The following SERINC5 variants were observed in gnomAD, a reference collection of about 807,000 sequenced individuals.
SERINC5 encodes chromosome 5 open reading frame 12.
SERINC5 carries 41 observed loss-of-function variants against 63.1 expected under a neutral mutation model. The ratio of observed to expected loss-of-function variants is 0.65; its 90% CI spans 0.51 to 0.84. SERINC5 has a LOEUF of 0.84. Among genes scored for constraint, SERINC5 ranks in the 40% least tolerant of loss-of-function variants. SERINC5 has a pLI of 0.00. For synonymous variants in SERINC5, 222 were observed against 215.2 expected (o/e 1.03, Z -0.28); for missense variants, 523 against 573.0 (o/e 0.91, Z 0.89).
intron 11 of SERINC5, among the ~76,000 whole-genome samples, chr5:80,127,417 C>G (rs1021937431): frequency 1.3e-5 from 2 of 152,182 alleles, no homozygotes; most frequent in African/African-American, 4.8e-5. Flanking sequence ...GGATGGAAAA[C>G]TTAGAGCAAA....
chr5:80,226,738 A>T (rs562388792), intron 1 of SERINC5, among the ~76,000 whole-genome samples: 7 of 152,250 alleles, frequency 4.6e-5, no homozygotes, highest in African/African-American at 1.7e-4. Flanking sequence ...TAATTTTTTT[A>T]AATAATAGGA....
At chr5:80,121,278 T>C (rs890237630) in intron 11 of SERINC5, among the ~76,000 whole-genome samples, 1 of 152,228 alleles carries the variant, frequency 6.6e-6, no homozygotes, top group African/African-American at 2.4e-5. Flanking sequence ...GGTGCTGGCA[T>C]CTGCTCAGTT....
chr5:80,184,422 C>T (rs1013804765), intron 2 of SERINC5, among the ~76,000 whole-genome samples: 1 of 152,162 alleles, frequency 6.6e-6, no homozygotes, highest in African/African-American at 2.4e-5. Flanking sequence ...CTAACAGCAG[C>T]AGGCTGAGCC....
intron 2 of SERINC5, among the ~76,000 whole-genome samples, chr5:80,200,198 C>T (rs1380937102): frequency 2.6e-5 from 4 of 152,010 alleles, no homozygotes; most frequent in African/African-American, 9.7e-5. Context: ...ATAACTTTGG[C>T]TGGGCACAGT....
At chr5:80,162,904 TAGTGCGATCTTGGCTAGTG>T (rs1747037174) in intron 7 of SERINC5, among the ~76,000 whole-genome samples, 2 of 151,872 alleles carry the variant, frequency 1.3e-5, no homozygotes, top group Admixed American at 1.3e-4. Flanking sequence ...AGGGGTGCTG[TAGTGCGATCTTGGCTAGTG>T]AGCCAAGATC....
At chr5:80,200,204 A>C (rs1749741422) in intron 2 of SERINC5, among the ~76,000 whole-genome samples, 1 of 152,232 alleles carries the variant, frequency 6.6e-6, no homozygotes, top group Admixed American at 6.5e-5. Flanking sequence ...TTGGCTGGGC[A>C]CAGTGGCTCA....
In SERINC5 at chr5:80,143,787, C is replaced by T. The variant is rs1174355424; in HGVS notation, c.1262G>A (p.Ser421Asn). The change falls in exon 12 of 12, where the codon AGC becomes AAC. Residue 421 changes from serine to asparagine, a missense_variant. Physicochemically the swap from Ser to Asn is conservative, Grantham distance 46. Coordinates refer to ENST00000507668, the MANE Select transcript of SERINC5 (RefSeq NM_001174072.3). The stretch of plus-strand genomic sequence containing the variant: ...GATGGACCAGCTCCCGCTGAAGAAG[C>T]TCTCGATGTTGGCACTTTCGTAGCT... ...WFNYESANIE[S>N]FFSGSWSIFW... 2.0e-6 allele frequency: 3 copies of T among 1,536,146 alleles called. No individual in the cohort carries two copies. The Admixed American group carries it at 5.9e-5, about 30-fold the overall frequency.
At chr5:80,171,073 T>A (rs1747622544) in intron 5 of SERINC5, among the ~76,000 whole-genome samples, 1 of 152,088 alleles carries the variant, frequency 6.6e-6, no homozygotes, top group Admixed American at 6.6e-5. Flanking sequence ...TGCTGTGGTG[T>A]GATCTTGGCT....
At chr5:80,186,844 T>A (rs1463007634) in intron 2 of SERINC5, among the ~76,000 whole-genome samples, 1 of 152,136 alleles carries the variant, frequency 6.6e-6, no homozygotes, top group Non-Finnish European at 1.5e-5. Flanking sequence ...TGTGTAATCG[T>A]GTTACTTGAG....
intron 2 of SERINC5, among the ~76,000 whole-genome samples, chr5:80,196,076 G>A (rs1381228196): frequency 6.6e-6 from 1 of 152,170 alleles, no homozygotes; most frequent in Non-Finnish European, 1.5e-5. Context: ...CAGAGTGGAA[G>A]CCTGAGACTT....
chr5:80,239,079 T>C (rs1751837953), intron 1 of SERINC5, among the ~76,000 whole-genome samples: 1 of 152,176 alleles, frequency 6.6e-6, no homozygotes, highest in South Asian at 2.1e-4. Context: ...ACCTGTTTCC[T>C]GAAAAAAACT....
chr5:80,237,527 G>A (rs1480651956), intron 1 of SERINC5, among the ~76,000 whole-genome samples: 1 of 151,458 alleles, frequency 6.6e-6, no homozygotes, highest in Non-Finnish European at 1.5e-5. Context: ...TAGAGATGGG[G>A]TTTCACTATG....
At chr5:80,189,797 A>C (rs369569902) in intron 2 of SERINC5, among the ~76,000 whole-genome samples, 3 of 151,702 alleles carry the variant, frequency 2.0e-5, no homozygotes, top group East Asian at 3.9e-4. Flanking sequence ...CTGCAGCCTC[A>C]AACTCCTAGA....
At chr5:80,163,345 G>A (rs1347900942) in intron 7 of SERINC5, among the ~76,000 whole-genome samples, 4 of 152,072 alleles carry the variant, frequency 2.6e-5, no homozygotes, top group Non-Finnish European at 2.9e-5. Flanking sequence ...TTGCCTGAGT[G>A]TCCTGGCTAG....
intron 1 of SERINC5, among the ~76,000 whole-genome samples, chr5:80,220,144 G>A (rs1750833854): frequency 1.3e-5 from 2 of 152,168 alleles, no homozygotes; most frequent in South Asian, 2.1e-4. Flanking sequence ...AGAGGCGGAG[G>A]TTGCAGTGAG....
At chr5:80,232,772 A>G (rs4626321) in intron 1 of SERINC5, among the ~76,000 whole-genome samples, 147,870 of 151,780 alleles carry the variant, frequency 0.97, 72,052 homozygotes, top group Middle Eastern at 1. Flanking sequence ...GACAGAGCGA[A>G]ACTCCATCTC....
At chr5:80,185,889 A>C (rs1004980802) in intron 2 of SERINC5, among the ~76,000 whole-genome samples, 4 of 152,246 alleles carry the variant, frequency 2.6e-5, no homozygotes, top group Admixed American at 1.3e-4. Flanking sequence ...ACTTCAGGCC[A>C]TCTGGGCATA....
intron 2 of SERINC5, among the ~76,000 whole-genome samples, chr5:80,195,358 C>T (rs1039960270): frequency 4.6e-5 from 7 of 151,388 alleles, no homozygotes; most frequent in Non-Finnish European, 7.4e-5. Context: ...AACAAAATTA[C>T]ACTTGTACCC....
At chr5:80,174,810 G>T in intron 5 of SERINC5, 144 bp downstream of exon 5, 1 of 561,936 alleles carries the variant, frequency 1.8e-6, no homozygotes, top group South Asian at 2.5e-5. Flanking sequence ...GTGAATGAAG[G>T]AGAGGAGTAA....
Sources: allele counts gnomAD v4.1 joint callset (sites outside exome capture counted in the v4.1 genomes callset), GRCh38; gene constraint gnomAD v4.1.1; transcripts MANE v1.5; gene names NCBI Gene and HGNC (gene_info 2026-07-23, HGNC 2026-07-21).